MACROH2A1: variants seen among roughly 807,000 people sequenced by gnomAD.
MACROH2A1 encodes the protein core histone macro-H2A.1.
MACROH2A1 carries 2 observed loss-of-function variants against 31.6 expected under a neutral mutation model. The observed-to-expected ratio is 0.06, with a 90% CI of 0.03 to 0.20. The LOEUF (loss-of-function observed/expected upper bound fraction) is 0.20, where lower values mean the gene tolerates loss of function less well. Ranked by LOEUF, MACROH2A1 falls within the 10% of genes least tolerant of loss-of-function variation. The pLI is 1.00. For synonymous variants in MACROH2A1, 169 were observed against 189.6 expected, an observed-to-expected ratio of 0.89 and a Z score of 0.89; for missense variants, 230 against 474.0, an observed-to-expected ratio of 0.49 and a Z score of 4.78.
At chr5:135,395,123 T>C (rs1179547161) in intron 1 of MACROH2A1, among the ~76,000 whole-genome samples, 2 of 152,176 alleles carry the variant, frequency 1.3e-5, no homozygotes, top group African/African-American at 4.8e-5. Flanking sequence ...GCCTTATGAC[T>C]CTGTGACAGT....
intron 8 of MACROH2A1, among the ~76,000 whole-genome samples, chr5:135,339,554 A>ATTGCGAGC (rs1313684686): frequency 6.6e-6 from 1 of 152,184 alleles, no homozygotes; most frequent in Admixed American, 6.5e-5. Flanking sequence ...GAGCAGACAG[A>ATTGCGAGC]TTGCGAGCTT....
chr5:135,392,713 G>C (rs906853406), intron 1 of MACROH2A1, among the ~76,000 whole-genome samples: 3 of 152,212 alleles, frequency 2.0e-5, no homozygotes, highest in African/African-American at 7.2e-5. Context: ...GAGTGACTGT[G>C]AGGCCAATGG....
chr5:135,372,352 G>A (rs1764275646), intron 2 of MACROH2A1, among the ~76,000 whole-genome samples: 1 of 152,226 alleles, frequency 6.6e-6, no homozygotes, highest in African/African-American at 2.4e-5. Flanking sequence ...GGAATCTGGT[G>A]GAGGGGCTCA....
chr5:135,378,952 CAAGTT>C (rs1299077116), intron 2 of MACROH2A1, among the ~76,000 whole-genome samples: 1 of 152,136 alleles, frequency 6.6e-6, no homozygotes, highest in African/African-American at 2.4e-5. Flanking sequence ...CAATGCTACT[CAAGTT>C]AAGTACCCTC....
chr5:135,359,675 C>A lies in MACROH2A1; in HGVS notation c.588+822G>T, dbSNP rs1055742373. The A allele has an allele frequency of 2.5e-5, 25 of 984,820 alleles. No individual in the cohort carries two copies. The African/African-American group carries it at 3.8e-4, about 15-fold the overall frequency. The allele number at this position is 984,820 out of a possible 1,614,324, so 61.0% of individuals were successfully genotyped here. A position where few individuals can be genotyped will look rare whatever the true frequency, so the allele number is the denominator to read the frequency against. On this transcript the variant is annotated intron_variant, in intron 5 of 8. Transcript: ENST00000511689. ...CAGTGAGGGTTTAAAAATGATGCAG[C>A]TTCAGATCCAAGTTTGTTACCACAC...
intron 2 of MACROH2A1, among the ~76,000 whole-genome samples, chr5:135,382,440 C>G (rs1369748067): frequency 6.6e-6 from 1 of 152,148 alleles, no homozygotes; most frequent in Non-Finnish European, 1.5e-5. Context: ...AACTAGACAT[C>G]CACATGCAAA....
intron 6 of MACROH2A1, among the ~76,000 whole-genome samples, chr5:135,348,430 C>T (rs184648960): frequency 6.4e-4 from 98 of 152,352 alleles, no homozygotes; most frequent in African/African-American, 2.3e-3. Context: ...TAGGCTTGGA[C>T]AAATGTCAGG....
intron 2 of MACROH2A1, among the ~76,000 whole-genome samples, chr5:135,379,803 G>A (rs1301721791): frequency 2.0e-5 from 3 of 152,178 alleles, no homozygotes; most frequent in Non-Finnish European, 2.9e-5. Context: ...GAGGACACCT[G>A]GGATGCTGGG....
chr5:135,357,791 A>G (rs1762357914), intron 5 of MACROH2A1: 4 of 982,514 alleles, frequency 4.1e-6, no homozygotes, highest in Non-Finnish European at 4.8e-6. Context: ...GCAAAATCAG[A>G]GAGTAATGGC....
intron 6 of MACROH2A1, among the ~76,000 whole-genome samples, chr5:135,349,514 G>A (rs1467547796): frequency 6.6e-6 from 1 of 152,066 alleles, no homozygotes; most frequent in East Asian, 1.9e-4. Flanking sequence ...AAGTGCCCAG[G>A]AGAGTGATTA....
At chr5:135,356,534 C>T (rs558271335) in intron 5 of MACROH2A1, 2 of 152,340 alleles carry the variant, frequency 1.3e-5, no homozygotes, top group Non-Finnish European at 2.9e-5. Context: ...AGATATAACT[C>T]ATAAAATGAC....
chr5:135,360,402 G>A, intron 5 of MACROH2A1, 95 bp downstream of exon 5: 2 of 824,184 alleles, frequency 2.4e-6, no homozygotes, highest in East Asian at 2.5e-5. Flanking sequence ...GGCTGGGAGT[G>A]GCCCCCGGGA....
chr5:135,338,889 CCTCT>C (rs1174887066), intron 8 of MACROH2A1, among the ~76,000 whole-genome samples: 1 of 152,138 alleles, frequency 6.6e-6, no homozygotes, highest in Non-Finnish European at 1.5e-5. Flanking sequence ...AGGGTGTTAA[CCTCT>C]CTAAGCATTA....
At chr5:135,367,419 A>G (rs1427354146) in intron 4 of MACROH2A1, among the ~76,000 whole-genome samples, 1 of 152,254 alleles carries the variant, frequency 6.6e-6, no homozygotes, top group Non-Finnish European at 1.5e-5. Flanking sequence ...GATTATTGGC[A>G]TATGGTTATT....
chr5:135,345,683 T>TA, intron 7 of MACROH2A1: 2 of 367,126 alleles, frequency 5.4e-6, no homozygotes. Flanking sequence ...TCTCAGCTCT[T>TA]AGATGTACCA....
intron 1 of MACROH2A1, among the ~76,000 whole-genome samples, chr5:135,391,219 T>C (rs1020794064): frequency 1.3e-5 from 2 of 152,246 alleles, no homozygotes; most frequent in Non-Finnish European, 2.9e-5. Context: ...TTTGCTTTAC[T>C]ACAAATGTGT....
chr5:135,338,790 T>C (rs190488509), intron 8 of MACROH2A1, among the ~76,000 whole-genome samples: 5 of 152,354 alleles, frequency 3.3e-5, no homozygotes, highest in African/African-American at 1.2e-4. Context: ...GTGCTGCCTA[T>C]CTTTCAGATC....
chr5:135,341,654 G>C (rs1017574355), intron 8 of MACROH2A1, among the ~76,000 whole-genome samples: 5 of 152,224 alleles, frequency 3.3e-5, no homozygotes, highest in African/African-American at 1.2e-4. Flanking sequence ...CTCTGTACTA[G>C]TTCTGCCACC....
intron 5 of MACROH2A1, 173 bp downstream of exon 5, chr5:135,360,324 G>C: frequency 1.7e-6 from 1 of 601,796 alleles, no homozygotes; most frequent in Non-Finnish European, 3.0e-6. Context: ...CAGCATTGTG[G>C]CCTCCCCAGC....
Sources: gnomAD v4.1 joint callset for allele counts (sites outside exome capture counted in the v4.1 genomes callset) on GRCh38, gnomAD v4.1.1 for gene constraint, MANE v1.5 for transcripts, NCBI Gene and HGNC (gene_info 2026-07-23, HGNC 2026-07-21) for gene names.